The following SMYD3 variants were observed in gnomAD, a reference collection of about 807,000 sequenced individuals.
SMYD3 encodes histone-lysine N-methyltransferase SMYD3.
A neutral mutation model predicts 57.7 loss-of-function variants in SMYD3; 36 were observed. That is an observed-to-expected ratio of 0.62 (90% confidence interval 0.48 to 0.82). The LOEUF is 0.82. Ranked by LOEUF, SMYD3 falls within the 40% of genes least tolerant of loss-of-function variation. The pLI, the probability that SMYD3 is intolerant of heterozygous loss-of-function variation, is 0.00. For synonymous variants in SMYD3, 211 were observed against 195.0 expected (o/e 1.08, Z -0.68); for missense variants, 515 against 538.8 (o/e 0.96, Z 0.44).
intron 1 of SMYD3, among the ~76,000 whole-genome samples, chr1:246,398,948 G>A (rs1277167914): frequency 6.6e-6 from 1 of 151,870 alleles, no homozygotes; most frequent in Non-Finnish European, 1.5e-5. Flanking sequence ...ATACCATAAA[G>A]GAGTAGATAG....
intron 1 of SMYD3, among the ~76,000 whole-genome samples, chr1:246,415,859 G>A (rs936197724): frequency 3.9e-5 from 6 of 152,156 alleles, no homozygotes; most frequent in Admixed American, 6.5e-5. Flanking sequence ...AAACTCTGAT[G>A]TCATTTTTAT....
At chr1:246,156,719 G>A (rs2062028063) in intron 5 of SMYD3, among the ~76,000 whole-genome samples, 1 of 152,164 alleles carries the variant, frequency 6.6e-6, no homozygotes, top group Non-Finnish European at 1.5e-5. Flanking sequence ...GTGTTTTGGG[G>A]AGCAAAGAAA....
chr1:245,987,817 A>T (rs1389960747), intron 5 of SMYD3, among the ~76,000 whole-genome samples: 2 of 152,210 alleles, frequency 1.3e-5, no homozygotes, highest in East Asian at 3.9e-4. Context: ...AGGGTTTGTA[A>T]CATGGAAGAC....
At chr1:246,468,232 A>G (rs999579223) in intron 1 of SMYD3, among the ~76,000 whole-genome samples, 2 of 152,172 alleles carry the variant, frequency 1.3e-5, no homozygotes, top group East Asian at 1.9e-4. Flanking sequence ...ATGGTTTAAC[A>G]TAAGTAAATC....
intron 5 of SMYD3, among the ~76,000 whole-genome samples, chr1:246,037,664 T>C (rs1387736947): frequency 1.3e-5 from 2 of 152,218 alleles, no homozygotes; most frequent in African/African-American, 4.8e-5. Context: ...TTTGCAGGTC[T>C]CCGAGCGTCA....
At chr1:245,934,889 G>A (rs2056915640) in intron 5 of SMYD3, among the ~76,000 whole-genome samples, 1 of 152,186 alleles carries the variant, frequency 6.6e-6, no homozygotes, top group Non-Finnish European at 1.5e-5. Flanking sequence ...CCATGCTCAC[G>A]ACTTAGTCAC....
At chr1:246,204,021 G>A (rs1367704941) in intron 5 of SMYD3, among the ~76,000 whole-genome samples, 2 of 152,152 alleles carry the variant, frequency 1.3e-5, no homozygotes, top group African/African-American at 2.4e-5. Context: ...GCTAAAGGTG[G>A]AGATCACTAT....
At chr1:246,249,352 C>A (rs1431366009) in intron 5 of SMYD3, among the ~76,000 whole-genome samples, 3 of 151,884 alleles carry the variant, frequency 2.0e-5, no homozygotes, top group Non-Finnish European at 4.4e-5. Context: ...GATCCGCCCA[C>A]CTCAGCCTCC....
chr1:245,817,488 A>T (rs985542053), intron 10 of SMYD3, among the ~76,000 whole-genome samples: 1 of 151,428 alleles, frequency 6.6e-6, no homozygotes, highest in Admixed American at 6.6e-5. Flanking sequence ...AAAGCAGAGC[A>T]CCTCTCCTCC....
chr1:246,143,118 A>T (rs571076436), intron 5 of SMYD3, among the ~76,000 whole-genome samples: 1 of 134,914 alleles, frequency 7.4e-6, no homozygotes, highest in South Asian at 2.5e-4. Flanking sequence ...ATACAGTTGT[A>T]TATTTAATAC....
chr1:245,852,811 C>T (rs2051044109), intron 10 of SMYD3, among the ~76,000 whole-genome samples: 2 of 152,138 alleles, frequency 1.3e-5, no homozygotes, highest in African/African-American at 4.8e-5. Context: ...ACGGACCCTT[C>T]GCCCATCACT....
At chr1:246,124,996 C>T (rs2061484409) in intron 5 of SMYD3, among the ~76,000 whole-genome samples, 1 of 150,746 alleles carries the variant, frequency 6.6e-6, no homozygotes, top group Non-Finnish European at 1.5e-5. Context: ...GGTGTGAACC[C>T]GAGAGGCGGA....
chr1:246,340,659 A>G (rs1297294844), intron 2 of SMYD3, among the ~76,000 whole-genome samples: 5 of 152,212 alleles, frequency 3.3e-5, no homozygotes, highest in African/African-American at 1.2e-4. Context: ...GGTATTTGGT[A>G]ATGAATATCA....
chr1:245,927,655 C>G (rs2056464985), intron 7 of SMYD3, among the ~76,000 whole-genome samples: 2 of 152,182 alleles, frequency 1.3e-5, no homozygotes, highest in African/African-American at 2.4e-5. Flanking sequence ...CACACACCCT[C>G]TGTCATACAC....
intron 5 of SMYD3, among the ~76,000 whole-genome samples, chr1:245,950,205 T>C (rs12077120): frequency 0.061 from 9,256 of 152,182 alleles, 895 homozygotes; most frequent in African/African-American, 0.21. Flanking sequence ...CTAATACTGT[T>C]AGGTGAGGTT....
At chr1:246,425,353 C>T (rs2067203322) in intron 1 of SMYD3, among the ~76,000 whole-genome samples, 1 of 152,214 alleles carries the variant, frequency 6.6e-6, no homozygotes, top group African/African-American at 2.4e-5. Context: ...CCACAGAGTA[C>T]ATCCATCTCC....
chr1:246,273,104 TCTGTATGA>T (rs1558367364), intron 5 of SMYD3, among the ~76,000 whole-genome samples: 13 of 150,810 alleles, frequency 8.6e-5, no homozygotes, highest in African/African-American at 3.0e-4. Context: ...CCTTTTTCAT[TCTGTATGA>T]TTCATAATAA....
rs10646615 is a variant in SMYD3, at chr1:246,121,432, CAAAAAAAAAAA to C, written c.532-191506_532-191496del. On this transcript the variant is annotated intron_variant, in intron 5 of 11. Transcript: ENST00000490107. ...GAATTTTGAAATTCCTTCCATTTTG[CAAAAAAAAAAA>C]AAAAAAAAAAGCTTTCCTAATTATT... Among the ~76,000 whole-genome samples, 13 of 100,298 alleles carry C rather than the reference CAAAAAAAAAAA, an allele frequency of 1.3e-4. No homozygotes were observed. In the Admixed American group the frequency reaches 1.3e-3, roughly 10 times the overall value. 65.8% of individuals were successfully genotyped at this position (100,298 alleles called of 152,430 possible).
intron 1 of SMYD3, among the ~76,000 whole-genome samples, chr1:246,437,268 TAG>T (rs2067394804): frequency 6.6e-6 from 1 of 152,176 alleles, no homozygotes; most frequent in South Asian, 2.1e-4. Flanking sequence ...GAGCACCTGG[TAG>T]AGTTTTTGGA....
Sources: gnomAD v4.1 joint callset for allele counts (sites outside exome capture counted in the v4.1 genomes callset) on GRCh38, gnomAD v4.1.1 for gene constraint, MANE v1.5 for transcripts, NCBI Gene and HGNC (gene_info 2026-07-23, HGNC 2026-07-21) for gene names.